The following DSCAM variants were observed in gnomAD, a reference collection of about 807,000 sequenced individuals.
DSCAM encodes DS cell adhesion molecule.
A neutral mutation model predicts 217.7 loss-of-function variants in DSCAM; 47 were observed. That is an observed-to-expected ratio of 0.22 (90% CI 0.17 to 0.28). The LOEUF (loss-of-function observed/expected upper bound fraction) is 0.28. Ranked by LOEUF, DSCAM falls within the 10% of genes least tolerant of loss-of-function variation. The probability of loss-of-function intolerance (pLI) is 1.00; values close to 1 mark genes in which losing one functional copy is unlikely to be tolerated. For missense variants in DSCAM, 2,080 were observed against 2,618.3 expected, an observed-to-expected ratio of 0.79 and a Z score of 4.49; for synonymous variants, 1,056 against 1,015.3, an observed-to-expected ratio of 1.04 and a Z score of -0.76.
intron 3 of DSCAM, among the ~76,000 whole-genome samples, chr21:40,663,020 A>G (rs1270912786): frequency 6.6e-6 from 1 of 151,544 alleles, no homozygotes; most frequent in African/African-American, 2.4e-5. Context: ...ATAGTTGTCA[A>G]TGATGTGTGT....
chr21:40,428,620 T>TCC (rs2075499943), intron 3 of DSCAM, among the ~76,000 whole-genome samples: 1 of 152,142 alleles, frequency 6.6e-6, no homozygotes, highest in Non-Finnish European at 1.5e-5. Flanking sequence ...GAGTCTTTTA[T>TCC]AGAGTCTAAG....
chr21:40,681,351 G>A (rs1051710115), intron 3 of DSCAM, among the ~76,000 whole-genome samples: 4 of 152,238 alleles, frequency 2.6e-5, no homozygotes, highest in African/African-American at 9.6e-5. Flanking sequence ...TGGGACAGCG[G>A]CAGCTGGTGG....
chr21:40,709,428 T>C (rs968036038), intron 1 of DSCAM, among the ~76,000 whole-genome samples: 2 of 152,192 alleles, frequency 1.3e-5, no homozygotes, highest in East Asian at 3.8e-4. Flanking sequence ...GCCGTGGTGG[T>C]TTGCTGCACC....
At chr21:40,837,478 C>A (rs765179355) in intron 1 of DSCAM, among the ~76,000 whole-genome samples, 2 of 152,136 alleles carry the variant, frequency 1.3e-5, no homozygotes, top group African/African-American at 2.4e-5. Context: ...TTCAATGAAG[C>A]CTATTCTAAA....
intron 4 of DSCAM, among the ~76,000 whole-genome samples, chr21:40,363,034 G>C (rs902504553): frequency 6.6e-5 from 10 of 151,962 alleles, no homozygotes; most frequent in Admixed American, 2.0e-4. Flanking sequence ...TCATGTTTCA[G>C]ACTCACCTCA....
At chr21:40,178,442 T>G (rs2090757042) in intron 15 of DSCAM, among the ~76,000 whole-genome samples, 1 of 152,206 alleles carries the variant, frequency 6.6e-6, no homozygotes, top group Non-Finnish European at 1.5e-5. Flanking sequence ...AAAAACATTA[T>G]TTTTAAATAT....
At chr21:40,536,550 CA>C (rs1193551124) in intron 3 of DSCAM, among the ~76,000 whole-genome samples, 5 of 152,004 alleles carry the variant, frequency 3.3e-5, no homozygotes, top group Non-Finnish European at 5.9e-5. Context: ...TACAGGCGCC[CA>C]CCACCACGCC....
chr21:40,045,457 C>G (rs1324243525), intron 30 of DSCAM, among the ~76,000 whole-genome samples: 2 of 152,164 alleles, frequency 1.3e-5, no homozygotes, highest in African/African-American at 2.4e-5. Flanking sequence ...CCAAAGGCAG[C>G]AAGTCTATGG....
At chr21:40,604,679 A>T (rs917405876) in intron 3 of DSCAM, among the ~76,000 whole-genome samples, 4 of 152,158 alleles carry the variant, frequency 2.6e-5, no homozygotes, top group Non-Finnish European at 5.9e-5. Context: ...CTCATTCTTG[A>T]ATAGAGGCTG....
chr21:40,104,631 C>T (rs1192644386), intron 20 of DSCAM, among the ~76,000 whole-genome samples: 2 of 152,162 alleles, frequency 1.3e-5, no homozygotes, highest in African/African-American at 4.8e-5. Context: ...GGATCCATGT[C>T]ATCAAACATT....
At chr21:40,468,177 T>C (rs1447171312) in intron 3 of DSCAM, among the ~76,000 whole-genome samples, 1 of 152,142 alleles carries the variant, frequency 6.6e-6, no homozygotes, top group African/African-American at 2.4e-5. Flanking sequence ...TATGTAAAAA[T>C]AAAGATTCAC....
rs1464616921 is a variant in DSCAM, at chr21:40,338,341, C to A, written c.1543G>T (p.Ala515Ser). The A allele has an allele frequency of 9.9e-6, 16 of 1,614,042 alleles. No individual in the cohort carries two copies. Among genetic ancestry groups the A allele is most frequent in the Non-Finnish European group, 1.4e-5 (16 of 1,179,888 alleles). Residue 515 changes from alanine (A) to serine (S), a missense_variant, in exon 8 of 33, where the codon GCA becomes TCA. Physicochemically the swap from Ala to Ser is moderately conservative, Grantham distance 99 (BLOSUM62 1). Coordinates refer to ENST00000400454, the MANE Select transcript of DSCAM (RefSeq NM_001389.5). ...ASIRPMKNIT[A>S]IAGRDTYIHC... ...ATGTATGTGTCCCGTCCTGCTATTG[C>A]TGTGATGTTTTTCATTGGTCGAATG...
chr21:40,683,783 A>G (rs2090443378), intron 3 of DSCAM, among the ~76,000 whole-genome samples: 1 of 152,114 alleles, frequency 6.6e-6, no homozygotes, highest in South Asian at 2.1e-4. Context: ...CAGAGTGAAA[A>G]GTTACGATCC....
chr21:40,474,315 T>TAA lies in DSCAM; in HGVS notation c.509-105072_509-105071dup, dbSNP rs71285090. Among the ~76,000 whole-genome samples the TAA allele has an allele frequency of 2.5e-3, 383 of 150,664 alleles. 3 individuals carry two copies. Among genetic ancestry groups the TAA allele is most frequent in the African/African-American group, 8.8e-3 (360 of 41,018 alleles). On this transcript the variant is annotated intron_variant, in intron 3 of 32. Transcript: ENST00000400454. ...CTTCAAAAATATATATAATAAATATTAAAAAAAAACACAACCAAAAATACA... is the reference window on the plus strand; with the variant it reads ...CTTCAAAAATATATATAATAAATATTAAAAAAAAAAACACAACCAAAAATACA...
At chr21:40,733,294 G>T (rs1317133114) in intron 1 of DSCAM, among the ~76,000 whole-genome samples, 1 of 152,230 alleles carries the variant, frequency 6.6e-6, no homozygotes, top group Non-Finnish European at 1.5e-5. Flanking sequence ...GACTGAGGAG[G>T]TTGCTGCCTG....
chr21:40,338,976 G>A (rs1340886559), intron 7 of DSCAM, 143 bp downstream of exon 7: 1 of 1,050,484 alleles, frequency 9.5e-7, no homozygotes, highest in Non-Finnish European at 1.4e-6. Flanking sequence ...TGCCATTCCT[G>A]AGTAGGAAGG....
At chr21:40,195,433 T>C (rs762806450) in intron 11 of DSCAM, among the ~76,000 whole-genome samples, 1 of 152,192 alleles carries the variant, frequency 6.6e-6, no homozygotes, top group Non-Finnish European at 1.5e-5. Flanking sequence ...GTCACAAGCA[T>C]CTGGCTCAAT....
At chr21:40,553,675 A>G (rs541219512) in intron 3 of DSCAM, among the ~76,000 whole-genome samples, 1 of 152,216 alleles carries the variant, frequency 6.6e-6, no homozygotes, top group African/African-American at 2.4e-5. Flanking sequence ...CATTCCCAAG[A>G]TAACACATCC....
intron 3 of DSCAM, 72 bp from the exon 4 acceptor site, chr21:40,369,317 A>C: frequency 5.3e-6 from 8 of 1,495,986 alleles, no homozygotes; most frequent in Non-Finnish European, 4.4e-6. Context: ...CAAAGTCCTT[A>C]AACAGTTTTT....
Sources: allele counts gnomAD v4.1 joint callset (sites outside exome capture counted in the v4.1 genomes callset), GRCh38; gene constraint gnomAD v4.1.1; transcripts MANE v1.5; gene names NCBI Gene and HGNC (gene_info 2026-07-23, HGNC 2026-07-21).